The following PEX14 variants were observed in gnomAD, a reference collection of about 807,000 sequenced individuals.
PEX14 encodes peroxisomal biogenesis factor 14, also known as peroxisomal membrane protein PEX14.
Under a neutral mutation model 49.5 loss-of-function variants are expected in PEX14, and 15 were observed. That is an observed-to-expected ratio of 0.30 (90% CI 0.20 to 0.47). The LOEUF (loss-of-function observed/expected upper bound fraction) is 0.47, where lower values mean the gene tolerates loss of function less well. Ranked by LOEUF, PEX14 falls within the 20% of genes least tolerant of loss-of-function variation. The pLI is 1.00. For missense variants in PEX14, 398 were observed against 494.8 expected, an observed-to-expected ratio of 0.80 and a Z score of 1.86; for synonymous variants, 210 against 212.7, an observed-to-expected ratio of 0.99 and a Z score of 0.11.
At chr1:10,593,894 A>G (rs955893293) in intron 3 of PEX14, among the ~76,000 whole-genome samples, 2 of 152,236 alleles carry the variant, frequency 1.3e-5, no homozygotes, top group African/African-American at 2.4e-5. Context: ...CAATGAGAAG[A>G]GCAAGGTCGA....
At chr1:10,488,079 C>A (rs1641403646) in intron 1 of PEX14, among the ~76,000 whole-genome samples, 1 of 152,144 alleles carries the variant, frequency 6.6e-6, no homozygotes, top group Non-Finnish European at 1.5e-5. Flanking sequence ...CTGTGCCTGG[C>A]CTATTACTTT....
At chr1:10,588,219 CA>C (rs201103852) in intron 3 of PEX14, among the ~76,000 whole-genome samples, 14,468 of 143,386 alleles carry the variant, frequency 0.1, 839 homozygotes, top group East Asian at 0.21. Flanking sequence ...GACTCCGTCT[CA>C]AAAAAAAAAA....
chr1:10,611,098 G>T (rs1319096373), intron 4 of PEX14, among the ~76,000 whole-genome samples: 1 of 151,974 alleles, frequency 6.6e-6, no homozygotes, highest in East Asian at 1.9e-4. Flanking sequence ...AACCCTGTCT[G>T]TACTAAAAAT....
At chr1:10,508,095 A>G (rs1239393059) in intron 2 of PEX14, among the ~76,000 whole-genome samples, 1 of 148,570 alleles carries the variant, frequency 6.7e-6, no homozygotes, top group Non-Finnish European at 1.5e-5. Flanking sequence ...CCCCAACCCC[A>G]CTCCCTCCCC....
At chr1:10,527,637 G>C (rs1426573223) in intron 2 of PEX14, among the ~76,000 whole-genome samples, 1 of 150,666 alleles carries the variant, frequency 6.6e-6, no homozygotes, top group Non-Finnish European at 1.5e-5. Context: ...ATTTTCTTAT[G>C]GGGTGTTTGG....
At chr1:10,551,952 G>T (rs1639345930) in intron 3 of PEX14, among the ~76,000 whole-genome samples, 1 of 152,210 alleles carries the variant, frequency 6.6e-6, no homozygotes. Flanking sequence ...AATTAGCCGG[G>T]TGTGGTGGCA....
intron 3 of PEX14, 79 bp downstream of exon 3, chr1:10,536,376 A>G (rs893862252): frequency 1.1e-6 from 1 of 914,610 alleles, no homozygotes; most frequent in African/African-American, 1.6e-5. Flanking sequence ...GGTGCAAGGC[A>G]GGTGCTGAGC....
At chr1:10,523,978 G>T (rs1638386292) in intron 2 of PEX14, among the ~76,000 whole-genome samples, 2 of 152,050 alleles carry the variant, frequency 1.3e-5, no homozygotes, top group Non-Finnish European at 2.9e-5. Context: ...CTGTTTAAAT[G>T]TGGAGTTTTT....
intron 4 of PEX14, among the ~76,000 whole-genome samples, chr1:10,602,337 T>C (rs1641009960): frequency 6.6e-6 from 1 of 152,068 alleles, no homozygotes; most frequent in African/African-American, 2.4e-5. Context: ...TTCATTCTTC[T>C]CATACCGTTA....
At chr1:10,486,516 T>C (rs1641370883) in intron 1 of PEX14, among the ~76,000 whole-genome samples, 1 of 151,688 alleles carries the variant, frequency 6.6e-6, no homozygotes, top group Non-Finnish European at 1.5e-5. Flanking sequence ...TCTGTCTCTA[T>C]ACAAATTTTT....
rs1293527476 is a variant in PEX14 at position 10,520,152 on chromosome 1, T to TTTTTTTTTTTTTTTTTG, written c.85-16051_85-16050insTTTTTTGTTTTTTTTTT. On this transcript the variant is annotated intron_variant, in intron 2 of 8. Coordinates refer to ENST00000356607, the MANE Select transcript of PEX14 (RefSeq NM_004565.3). ...GTTGTGCCTGGCCTTCTTCTTCTTTTTTTTTTTTTTGTTTTTTTAACTAGA... is the reference window on the plus strand; with the variant it reads ...GTTGTGCCTGGCCTTCTTCTTCTTTTTTTTTTTTTTTTTTTTGTTTTTTTTTTGTTTTTTTAACTAGA... Among the ~76,000 whole-genome samples, 9 of 77,746 alleles carry TTTTTTTTTTTTTTTTTG rather than the reference T, an allele frequency of 1.2e-4. 1 individual carries two copies. Among genetic ancestry groups the TTTTTTTTTTTTTTTTTG allele is most frequent in the Non-Finnish European group, 1.9e-4 (6 of 31,172 alleles). 51.0% of individuals were successfully genotyped at this position (77,746 alleles called of 152,430 possible).
intron 2 of PEX14, among the ~76,000 whole-genome samples, chr1:10,515,970 C>T (rs1278613879): frequency 1.3e-5 from 2 of 152,172 alleles, no homozygotes; most frequent in Non-Finnish European, 2.9e-5. Flanking sequence ...AGACAGGTGC[C>T]ATGGAGTTAG....
In PEX14 at chr1:10,525,954, T is replaced by C. The variant is rs572694300; in HGVS notation, c.85-10259T>C. Among the ~76,000 whole-genome samples, 16 of 122,750 alleles carry C rather than the reference T, an allele frequency of 1.3e-4. No individual in the cohort carries two copies. In the South Asian group the frequency reaches 4.3e-3, roughly 33 times the overall value. The allele number at this position is 122,750 out of a possible 152,430, so 80.5% of individuals were successfully genotyped here. ...TTTTTTTTTTTGAGACAGAGTCTCA[T>C]TGTGTCTTCCAGGCTGGAGTGCAGT... On this transcript the variant is annotated intron_variant, in intron 2 of 8. Coordinates refer to ENST00000356607, the MANE Select transcript of PEX14 (RefSeq NM_004565.3).
At position 10,529,785 on chromosome 1, in the gene PEX14, A is replaced by G. The variant is rs572950757; in HGVS notation, c.85-6428A>G. Among the ~76,000 whole-genome samples, 1 of 152,372 alleles carries G rather than the reference A, an allele frequency of 6.6e-6. No homozygotes were observed. Among genetic ancestry groups the G allele is most frequent in the Non-Finnish European group, 1.5e-5 (1 of 68,034 alleles). ...ATCATGTCAACTCCTGTGCACTTCT[A>G]CCAGCGGAATTTTATTTCTTTAATG... On this transcript the variant is annotated intron_variant, in intron 2 of 8. Transcript: ENST00000356607. This position sits in a 1 kb window ranked among gnomAD's most constrained non-coding sequence, Gnocchi z 4.2.
chr1:10,561,287 T>C (rs1037723025), intron 3 of PEX14, among the ~76,000 whole-genome samples: 7 of 152,218 alleles, frequency 4.6e-5, no homozygotes, highest in Non-Finnish European at 1.5e-5. Context: ...CTTTTGTATC[T>C]CAGATTCAGG....
chr1:10,620,476 A>T (rs778253435), intron 5 of PEX14, among the ~76,000 whole-genome samples: 1 of 152,014 alleles, frequency 6.6e-6, no homozygotes, highest in Non-Finnish European at 1.5e-5. Flanking sequence ...CAACAGAAGG[A>T]GACCCTGTCT....
At chr1:10,567,893 A>C (rs1639853401) in intron 3 of PEX14, among the ~76,000 whole-genome samples, 1 of 152,122 alleles carries the variant, frequency 6.6e-6, no homozygotes, top group African/African-American at 2.4e-5. Context: ...AGCATCACGA[A>C]GTATGGGATT....
chr1:10,539,860 T>A lies in PEX14; in HGVS notation c.169+3563T>A. Among the ~76,000 whole-genome samples the A allele has an allele frequency of 1.3e-5, 1 of 79,652 alleles. No individual in the cohort carries two copies. Among genetic ancestry groups the A allele is most frequent in the Middle Eastern group, 5.5e-3 (1 of 182 alleles). The allele number at this position is 79,652 out of a possible 152,430, so 52.3% of individuals were successfully genotyped here. A position where few individuals can be genotyped will look rare whatever the true frequency, so the allele number is the denominator to read the frequency against. Reference sequence around the variant, plus strand: ...ATGCTTGCTTGTGAGGGGGGTGAGGTGGGGGAGGGGGATAGAGTTGTCTGT... The same window carrying A: ...ATGCTTGCTTGTGAGGGGGGTGAGGAGGGGGAGGGGGATAGAGTTGTCTGT... On this transcript the variant is annotated intron_variant, in intron 3 of 8. Coordinates refer to ENST00000356607, the MANE Select transcript of PEX14 (RefSeq NM_004565.3). This position sits in a 1 kb window ranked among gnomAD's most constrained non-coding sequence, Gnocchi z 4.6.
intron 3 of PEX14, among the ~76,000 whole-genome samples, chr1:10,555,014 C>T (rs952798473): frequency 2.6e-5 from 4 of 152,188 alleles, no homozygotes; most frequent in African/African-American, 9.7e-5. Context: ...TTTTGTCCAG[C>T]CTTCCCGTGG....
Sources: gnomAD v4.1 joint callset for allele counts (sites outside exome capture counted in the v4.1 genomes callset) on GRCh38, gnomAD v4.1.1 for gene constraint, Gnocchi (gnomAD v3.1) non-coding constraint, MANE v1.5 for transcripts, NCBI Gene and HGNC (gene_info 2026-07-23, HGNC 2026-07-21) for gene names.